Variants in GDPD4 observed in about 807,000 individuals in gnomAD.
GDPD4 encodes the protein glycerophosphodiester phosphodiesterase 6.
A neutral mutation model predicts 67.8 loss-of-function variants in GDPD4; 60 were observed. The observed-to-expected ratio is 0.88, with a 90% CI of 0.72 to 1.10. The LOEUF is 1.10. Ranked by LOEUF, GDPD4 falls within the 50% of genes least tolerant of loss-of-function variation. The pLI is 0.00. For missense variants in GDPD4, 623 were observed against 613.9 expected, an observed-to-expected ratio of 1.01 and a Z score of -0.16; for synonymous variants, 212 against 210.9, an observed-to-expected ratio of 1.00 and a Z score of -0.04.
chr11:77,257,747 C>T (rs1447678080), intron 11 of GDPD4, among the ~76,000 whole-genome samples: 22 of 152,190 alleles, frequency 1.4e-4, no homozygotes, highest in African/African-American at 5.3e-4. Context: ...CAAAATTACA[C>T]TGTACACTGC....
chr11:77,255,974 T>A (rs931961666), intron 11 of GDPD4, among the ~76,000 whole-genome samples: 3 of 152,148 alleles, frequency 2.0e-5, no homozygotes, highest in African/African-American at 7.2e-5. Context: ...ATGAAAAAAA[T>A]TAAATTCATG....
chr11:77,293,188 C>G (rs1937839518), intron 1 of GDPD4, among the ~76,000 whole-genome samples: 1 of 152,154 alleles, frequency 6.6e-6, no homozygotes, highest in African/African-American at 2.4e-5. Context: ...GAAAAAAGTA[C>G]AAACCAATAT....
chr11:77,286,219 C>T (rs1310847192), intron 2 of GDPD4, among the ~76,000 whole-genome samples: 1 of 152,186 alleles, frequency 6.6e-6, no homozygotes, highest in Non-Finnish European at 1.5e-5. Context: ...CAATTCTCTA[C>T]CTATCCAATT....
chr11:77,292,083 T>C (rs1365676050), intron 1 of GDPD4, among the ~76,000 whole-genome samples: 1 of 151,916 alleles, frequency 6.6e-6, no homozygotes, highest in Non-Finnish European at 1.5e-5. Context: ...TATCTGATCA[T>C]ACACATTTTC....
chr11:77,281,196 T>C (rs1331220203), intron 3 of GDPD4, among the ~76,000 whole-genome samples: 3 of 152,232 alleles, frequency 2.0e-5, no homozygotes, highest in African/African-American at 7.2e-5. Context: ...GTTATCATTA[T>C]AACAATGTTT....
At position 77,229,151 on chromosome 11, in the gene GDPD4, A is replaced by T. The variant is rs1958405078; in HGVS notation, c.1471T>A (p.Trp491Arg). 3 of 1,498,912 alleles carry T rather than the reference A, an allele frequency of 2.0e-6. No homozygotes were observed. The highest frequency in any genetic ancestry group is 1.8e-6 in the Non-Finnish European group (2 of 1,082,366). The allele number at this position is 1,498,912 out of a possible 1,614,324, so 92.9% of individuals were successfully genotyped here. A position where few individuals can be genotyped will look rare whatever the true frequency, so the allele number is the denominator to read the frequency against. ...LFIVAIFCFH[W>R]RRETEKEKLF... ...ATTTAAAATTATATATATACTTACC[A>T]GTGAAAACAAAATATGGCAACAATA... The change falls in exon 15 of 17, where the codon TGG (tryptophan) becomes AGG (arginine). Residue 491 changes from tryptophan to arginine, a missense_variant and splice_region_variant. Coordinates refer to ENST00000315938, the MANE Select transcript of GDPD4 (RefSeq NM_182833.3).
intron 11 of GDPD4, among the ~76,000 whole-genome samples, chr11:77,248,013 T>C (rs1156925868): frequency 7.3e-6 from 1 of 137,298 alleles, no homozygotes; most frequent in African/African-American, 2.7e-5. Context: ...ATCGCACCAT[T>C]GTACTCCAGC....
chr11:77,293,883 C>T (rs895805522), intron 1 of GDPD4, among the ~76,000 whole-genome samples: 2 of 152,094 alleles, frequency 1.3e-5, no homozygotes, highest in Admixed American at 1.3e-4. Flanking sequence ...CAACCTTGTT[C>T]AACATTGTAC....
intron 11 of GDPD4, among the ~76,000 whole-genome samples, chr11:77,248,495 C>T (rs1019622464): frequency 3.9e-5 from 6 of 151,984 alleles, no homozygotes; most frequent in Non-Finnish European, 5.9e-5. Context: ...CCACCATGCC[C>T]GGCCAACAAT....
At chr11:77,223,526 C>T (rs1958267684) in intron 16 of GDPD4, among the ~76,000 whole-genome samples, 1 of 152,180 alleles carries the variant, frequency 6.6e-6, no homozygotes, top group Non-Finnish European at 1.5e-5. Context: ...GCAGAGGCTG[C>T]AGAACAGCAA....
At chr11:77,258,867 A>G (rs775511435) in intron 10 of GDPD4, among the ~76,000 whole-genome samples, 7 of 152,196 alleles carry the variant, frequency 4.6e-5, no homozygotes, top group Non-Finnish European at 8.8e-5. Context: ...GGGATGATGC[A>G]AGGTCCTCAG....
chr11:77,228,972 T>C (rs1958401152), intron 15 of GDPD4, among the ~76,000 whole-genome samples, 178 bp downstream of exon 15: 1 of 152,120 alleles, frequency 6.6e-6, no homozygotes, highest in Non-Finnish European at 1.5e-5. Flanking sequence ...ATTGTCTTAT[T>C]TGGGGGAGGT....
rs1958410622 is a variant in GDPD4 at position 77,229,349 on chromosome 11, C to T, written c.1390-117G>A. 4 of 620,264 alleles carry T rather than the reference C, an allele frequency of 6.4e-6. No homozygotes were observed. The Admixed American group carries it at 9.0e-5, about 14-fold the overall frequency. The allele number at this position is 620,264 out of a possible 1,614,324, so 38.4% of individuals were successfully genotyped here. The stretch of plus-strand genomic sequence containing the variant: ...GAGGAGGAGAGGAAGAGGGGATAGA[C>T]AGGCCAAGGAACCTTGATTGATGTG... On this transcript the variant is annotated intron_variant, in intron 14 of 16. Coordinates refer to ENST00000315938, the MANE Select transcript of GDPD4 (RefSeq NM_182833.3).
At chr11:77,275,666 G>A (rs189443753) in intron 5 of GDPD4, among the ~76,000 whole-genome samples, 350 of 152,248 alleles carry the variant, frequency 2.3e-3, no homozygotes, top group East Asian at 9.3e-3. Flanking sequence ...CCACTCAGGC[G>A]GAAAAGAGGT....
intron 10 of GDPD4, among the ~76,000 whole-genome samples, chr11:77,262,726 C>T (rs1053056484): frequency 3.3e-5 from 5 of 152,044 alleles, no homozygotes; most frequent in South Asian, 2.1e-4. Context: ...GACCAATCAA[C>T]GATCTGCACA....
At chr11:77,285,013 T>C (rs373062450) in intron 3 of GDPD4, 72 bp downstream of exon 3, 1 of 1,081,254 alleles carries the variant, frequency 9.2e-7, no homozygotes, top group Non-Finnish European at 1.4e-6. Context: ...CTTTTCAGCC[T>C]GAGGTAGAAT....
At chr11:77,244,610 A>T (rs941482725) in intron 12 of GDPD4, among the ~76,000 whole-genome samples, 2 of 152,124 alleles carry the variant, frequency 1.3e-5, no homozygotes, top group Non-Finnish European at 2.9e-5. Flanking sequence ...AGGCCGAGGC[A>T]AGAGGATCCC....
At position 77,300,836 on chromosome 11, in the gene GDPD4, GA is replaced by G. The variant is rs534381912; in HGVS notation, c.-254+768del. Among the ~76,000 whole-genome samples the G allele has an allele frequency of 4.6e-4, 70 of 152,196 alleles. 1 individual carries two copies. The highest frequency in any genetic ancestry group is 7.8e-4 in the Non-Finnish European group (53 of 68,000). On this transcript the variant is annotated intron_variant, in intron 1 of 16. Transcript: ENST00000315938. ...CAAAGAAAAATCACAATGGAAATGA[GA>G]AAAAAACTTTCAGTTGGTTAATGAT...
intron 1 of GDPD4, among the ~76,000 whole-genome samples, chr11:77,299,957 CATA>C (rs1938104302): frequency 2.0e-5 from 3 of 152,186 alleles, no homozygotes. Context: ...AGGGACATTT[CATA>C]ATGTGAAAAA....
Sources: gnomAD v4.1 joint callset for allele counts (sites outside exome capture counted in the v4.1 genomes callset) on GRCh38, gnomAD v4.1.1 for gene constraint, MANE v1.5 for transcripts, NCBI Gene and HGNC (gene_info 2026-07-23, HGNC 2026-07-21) for gene names.